COL17A1: variants seen among roughly 807,000 people sequenced by gnomAD.
COL17A1 encodes collagen alpha-1(XVII) chain.
In COL17A1, 181 loss-of-function variants were observed where a neutral mutation model predicts 218.4. The observed-to-expected ratio is 0.83, with a 90% confidence interval of 0.73 to 0.94. The LOEUF is 0.94. Among genes scored for constraint, COL17A1 ranks in the 40% least tolerant of loss-of-function variants. The probability of loss-of-function intolerance (pLI) is 0.00; values close to 1 mark genes in which losing one functional copy is unlikely to be tolerated. For missense variants in COL17A1, 1,924 were observed against 1,945.9 expected (o/e 0.99, Z 0.21); for synonymous variants, 721 against 731.0 (o/e 0.99, Z 0.22).
rs374867213 is a variant in COL17A1, at chr10:104,035,253, A to G, written c.3619+10T>C. 7 of 1,609,298 alleles carry G rather than the reference A, an allele frequency of 4.3e-6. No individual in the cohort carries two copies. The African/African-American group carries it at 5.3e-5, about 12-fold the overall frequency. On this transcript the variant is annotated intron_variant, in intron 50 of 55. Transcript: ENST00000648076. ...CCCTGCCCTCCCCATCCCACTCCAC[A>G]GTGCCCTACTATGTAAGTAAGACGA...
intron 3 of COL17A1, among the ~76,000 whole-genome samples, chr10:104,077,743 A>T (rs1432759615): frequency 1.3e-5 from 2 of 151,988 alleles, no homozygotes; most frequent in Non-Finnish European, 2.9e-5. Context: ...TGTTTTATAC[A>T]AATATCTAGA....
Position 104,032,047 on chromosome 10 carries a change from A to T in COL17A1, c.*188T>A, listed in dbSNP as rs1844691005. 1 of 627,764 alleles carries T rather than the reference A, an allele frequency of 1.6e-6. No homozygotes were observed. Among genetic ancestry groups the T allele is most frequent in the Non-Finnish European group, 2.9e-6 (1 of 349,594 alleles). The allele number at this position is 627,764 out of a possible 1,614,324, so 38.9% of individuals were successfully genotyped here. A position where few individuals can be genotyped will look rare whatever the true frequency, so the allele number is the denominator to read the frequency against. ...AGTCCACCCCATGAAGCTGTTTCAG[A>T]TTGTGTATCTTTGACTGAATTCTAT... On this transcript the variant is annotated 3_prime_UTR_variant, in exon 56 of 56. Transcript: ENST00000648076.
In COL17A1 at chr10:104,043,485, A is replaced by C. The variant is rs2086379745; in HGVS notation, c.2515+16T>G. ...ACCTATTGCTGATTTGGGGCAAAGC[A>C]AGAAAATAGACTGACCTGGGGCACC... is the stretch of plus-strand genomic sequence containing the variant. On this transcript the variant is annotated intron_variant, in intron 35 of 55. Transcript: ENST00000648076. 2 of 1,612,394 alleles carry C rather than the reference A, an allele frequency of 1.2e-6. No homozygotes were observed.
chr10:104,040,217 A>G (rs957909498), intron 40 of COL17A1, 134 bp downstream of exon 40: 1 of 914,632 alleles, frequency 1.1e-6, no homozygotes, highest in African/African-American at 1.6e-5. Flanking sequence ...CAGGCTGCTG[A>G]GTTCCTAATG....
intron 1 of COL17A1, among the ~76,000 whole-genome samples, chr10:104,085,219 A>G (rs2086795667): frequency 6.6e-6 from 1 of 152,186 alleles, no homozygotes. Context: ...AATGTTTACC[A>G]TGTATGGCTT....
intron 33 of COL17A1, among the ~76,000 whole-genome samples, chr10:104,044,170 C>T (rs1210383554): frequency 1.3e-5 from 2 of 152,220 alleles, no homozygotes; most frequent in Non-Finnish European, 2.9e-5. Context: ...CTCCCACATT[C>T]CACCACCTCT....
chr10:104,059,182 A>C (rs1180006719), intron 15 of COL17A1: 1 of 241,132 alleles, frequency 4.1e-6, no homozygotes, highest in Non-Finnish European at 8.2e-6. Flanking sequence ...CTATGACTTA[A>C]CATTTTCCTT....
At chr10:104,061,540 GC>G (rs2086583101) in intron 12 of COL17A1, 67 bp from the exon 13 acceptor site, 2 of 1,403,260 alleles carry the variant, frequency 1.4e-6, no homozygotes, top group East Asian at 4.8e-5. Context: ...AGCCTGATCA[GC>G]CCTGGCAGAG....
chr10:104,077,313 G>C (rs2086719149), intron 4 of COL17A1, 109 bp downstream of exon 4: 5 of 819,370 alleles, frequency 6.1e-6, no homozygotes, highest in Non-Finnish European at 1.0e-5. Flanking sequence ...TGTCCCTTTT[G>C]TGCACTGATT....
At chr10:104,060,406 A>C (rs2086572782) in intron 13 of COL17A1, 126 bp from the exon 14 acceptor site, 1 of 1,374,950 alleles carries the variant, frequency 7.3e-7, no homozygotes, top group African/African-American at 1.4e-5. Flanking sequence ...GGTGTGTATG[A>C]GGGTCTCTTG....
intron 20 of COL17A1, 58 bp downstream of exon 20, chr10:104,054,923 G>A (rs1476206129): frequency 6.2e-7 from 1 of 1,613,014 alleles, no homozygotes; most frequent in African/African-American, 1.3e-5. Context: ...CTTGCTGATT[G>A]TTTGAAACAA....
rs752952769 is a variant in COL17A1, at chr10:104,036,621, G to A, written c.3289C>T (p.Arg1097Cys). Residue 1097 changes from arginine (R) to cysteine (C), a missense_variant, in exon 48 of 56, where the codon CGT becomes TGT. Coordinates refer to ENST00000648076, the MANE Select transcript of COL17A1 (RefSeq NM_000494.4). ...ATCAAGTACTGACGTAGGTACTGACGCACGTCATCCCCTGGAGAGGAGAGG... is the reference window on the plus strand; with the variant it reads ...ATCAAGTACTGACGTAGGTACTGACACACGTCATCCCCTGGAGAGGAGAGG... ...ILAVLQRDDV[R>C]QYLRQYLMGP... The A allele has an allele frequency of 3.1e-6, 5 of 1,613,804 alleles. No homozygotes were observed. The highest frequency in any genetic ancestry group is 2.2e-5 in the East Asian group (1 of 44,882).
chr10:104,053,960 G>A lies in COL17A1; in HGVS notation c.1794C>T (p.His598=). The part of the protein sequence containing the change: ...GTPGIPGPLG[H]PGPQGPKGQK... Reference sequence around the variant, plus strand: ...GACCCTTTGGTCCTTGTGGACCTGGGTGGCCCAAGGGCCCAGGGATACCTG... The same window carrying A: ...GACCCTTTGGTCCTTGTGGACCTGGATGGCCCAAGGGCCCAGGGATACCTG... The change falls in exon 22 of 56, where the codon CAC becomes CAT. Residue 598 remains histidine (H), a synonymous_variant. Transcript: ENST00000648076. 6.2e-7 allele frequency: 1 copy of A among 1,611,166 alleles called. No individual in the cohort carries two copies. The highest frequency in any genetic ancestry group is 8.5e-7 in the Non-Finnish European group (1 of 1,177,274).
chr10:104,057,110 C>A lies in COL17A1; in HGVS notation c.1330G>T (p.Ala444Ser), dbSNP rs759046384. 2 of 1,613,128 alleles carry A rather than the reference C, an allele frequency of 1.2e-6. No homozygotes were observed. Among genetic ancestry groups the A allele is most frequent in the Non-Finnish European group, 1.7e-6 (2 of 1,179,336 alleles). The change falls in exon 17 of 56, where the codon GCT becomes TCT. Residue 444 changes from alanine to serine, a missense_variant. Transcript: ENST00000648076. ...GCTGGTCCCCAAGGGCCGCCGCCAGCGCCACCAACACCGCCACCTCCTCCA... is the reference window on the plus strand; with the variant it reads ...GCTGGTCCCCAAGGGCCGCCGCCAGAGCCACCAACACCGCCACCTCCTCCA... ...GSGGGGGVGG[A>S]GGGPWGPAPA...
chr10:104,038,605 T>C, intron 44 of COL17A1, 77 bp from the exon 45 acceptor site: 4 of 1,578,306 alleles, frequency 2.5e-6, no homozygotes, highest in East Asian at 2.2e-5. Flanking sequence ...ATAGCTTCCA[T>C]GGTCTGAGGA....
chr10:104,072,204 G>T, intron 7 of COL17A1, 125 bp from the exon 8 acceptor site: 1 of 1,421,524 alleles, frequency 7.0e-7, no homozygotes. Flanking sequence ...CTGGAAACAG[G>T]AAATCTAGGT....
chr10:104,056,880 A>G, intron 17 of COL17A1, 95 bp downstream of exon 17: 1 of 1,543,552 alleles, frequency 6.5e-7, no homozygotes, highest in Non-Finnish European at 8.7e-7. Flanking sequence ...GCCCCCTAAC[A>G]CGTGGGCCCA....
rs147088970 is a variant in COL17A1, at chr10:104,035,048, C to A, written c.3619+215G>T. Among the ~76,000 whole-genome samples the A allele has an allele frequency of 4.7e-4, 72 of 152,314 alleles. 1 individual carries two copies. In the East Asian group the frequency reaches 0.013, roughly 28 times the overall value. ...TGGAGCCCCAGGTCGGCCCTAATCACACACCGGGCTGCGCCTGGGAAAGCC... is the reference window on the plus strand; with the variant it reads ...TGGAGCCCCAGGTCGGCCCTAATCAAACACCGGGCTGCGCCTGGGAAAGCC... On this transcript the variant is annotated intron_variant, in intron 50 of 55. Transcript: ENST00000648076.
Position 104,033,831 on chromosome 10 carries a change from C to T in COL17A1, c.4156+114G>A, listed in dbSNP as rs1320748665. 6.6e-6 allele frequency: 10 copies of T among 1,522,546 alleles called. No homozygotes were observed. In the East Asian group the frequency reaches 1.6e-4, roughly 24 times the overall value. The allele number at this position is 1,522,546 out of a possible 1,614,324, so 94.3% of individuals were successfully genotyped here. A position where few individuals can be genotyped will look rare whatever the true frequency, so the allele number is the denominator to read the frequency against. Reference sequence around the variant, plus strand: ...TGGGGCTGCCTGTCCCCTCCAGCCCCTGCCTGCTTGATTCTGTCTTCACAG... The same window carrying T: ...TGGGGCTGCCTGTCCCCTCCAGCCCTTGCCTGCTTGATTCTGTCTTCACAG... On this transcript the variant is annotated intron_variant, in intron 52 of 55. Coordinates refer to ENST00000648076, the MANE Select transcript of COL17A1 (RefSeq NM_000494.4).
Sources: gnomAD v4.1 joint callset for allele counts (sites outside exome capture counted in the v4.1 genomes callset) on GRCh38, gnomAD v4.1.1 for gene constraint, MANE v1.5 for transcripts, NCBI Gene and HGNC (gene_info 2026-07-23, HGNC 2026-07-21) for gene names.